The following DST variants were observed in gnomAD, a reference collection of about 807,000 sequenced individuals.
DST encodes the protein bullous pemphigoid antigen.
DST carries 253 observed loss-of-function variants against 875.2 expected under a neutral mutation model. The ratio of observed to expected loss-of-function variants is 0.29; its 90% CI spans 0.26 to 0.32. The LOEUF (loss-of-function observed/expected upper bound fraction) is 0.32, where lower values mean the gene tolerates loss of function less well. DST is among the 10% of genes least tolerant of loss of function. The pLI is 1.00. For missense variants in DST, 8,287 were observed against 9,111.6 expected (o/e 0.91, Z 3.68); for synonymous variants, 3,124 against 3,197.1 (o/e 0.98, Z 0.77).
chr6:56,553,284 T>G lies in DST; in HGVS notation c.15508A>C (p.Lys5170Gln). ...KLKESLEKAL[K>Q]YKEQVETLWP... ...AGAGTCTCTACTTGCTCTTTATACT[T>G]AAGGGCTTTTTCCAATGACTCTTTT... The change falls in exon 61 of 104, where the codon AAG (lysine) becomes CAG (glutamine). Residue 5170 changes from lysine to glutamine, a missense_variant. This residue lies in a region of DST where 1,513 missense variants were observed against 1,677.8 expected (regional missense o/e 0.90). Coordinates refer to ENST00000680361, the MANE Select transcript of DST (RefSeq NM_001374736.1). The G allele has an allele frequency of 6.2e-7, 1 of 1,613,692 alleles. No homozygotes were observed. Among genetic ancestry groups the G allele is most frequent in the Non-Finnish European group, 8.5e-7 (1 of 1,179,896 alleles).
intron 15 of DST, among the ~76,000 whole-genome samples, chr6:56,643,474 C>G (rs929540830): frequency 6.6e-6 from 1 of 152,168 alleles, no homozygotes; most frequent in Non-Finnish European, 1.5e-5. Flanking sequence ...AAGTAGAATA[C>G]TGATGCAATG....
At chr6:56,851,313 C>T in intron 4 of DST, 84 bp downstream of exon 4, 1 of 1,296,078 alleles carries the variant, frequency 7.7e-7, no homozygotes, top group Non-Finnish European at 1.1e-6. Flanking sequence ...TGCATCAGCT[C>T]CCGCTATGGC....
At position 56,555,545 on chromosome 6, in the gene DST, T is replaced by C. The variant is rs763236400; in HGVS notation, c.14936A>G (p.His4979Arg). ...KLSSSLAVST[H>R]PDAMNQQLET... The stretch of plus-strand genomic sequence containing the variant: ...CAACTGTTGGTTCATAGCATCAGGG[T>C]GCGTGCTCACAGCCAGACTGCTGCT... Residue 4979 changes from histidine (H) to arginine (R), a missense_variant, in exon 60 of 104, where the codon CAC becomes CGC. Transcript: ENST00000680361. The C allele has an allele frequency of 2.5e-6, 4 of 1,613,972 alleles. No individual in the cohort carries two copies. The Admixed American group carries it at 6.7e-5, about 27-fold the overall frequency.
At chr6:56,672,853 T>C (rs2099108830) in intron 9 of DST, among the ~76,000 whole-genome samples, 1 of 152,248 alleles carries the variant, frequency 6.6e-6, no homozygotes, top group East Asian at 1.9e-4. Context: ...CTTAACTCTC[T>C]TCCCCATAGA....
At chr6:56,750,497 G>A (rs2152951395) in intron 4 of DST, among the ~76,000 whole-genome samples, 1 of 152,232 alleles carries the variant, frequency 6.6e-6, no homozygotes, top group South Asian at 2.1e-4. Flanking sequence ...TGCCTACTAT[G>A]AGAAGAGTGG....
intron 61 of DST, among the ~76,000 whole-genome samples, chr6:56,539,148 A>T (rs376369568): frequency 6.6e-6 from 1 of 152,292 alleles, no homozygotes; most frequent in Admixed American, 6.5e-5. Flanking sequence ...ATAATGTTCT[A>T]TTAAATTGCC....
At chr6:56,517,919 G>A (rs2096626621) in intron 69 of DST, among the ~76,000 whole-genome samples, 1 of 152,030 alleles carries the variant, frequency 6.6e-6, no homozygotes, top group African/African-American at 2.4e-5. Context: ...CACCTTAGGA[G>A]TACTGTCCAA....
At chr6:56,723,970 T>C (rs1178319625) in intron 5 of DST, among the ~76,000 whole-genome samples, 1 of 152,198 alleles carries the variant, frequency 6.6e-6, no homozygotes, top group South Asian at 2.1e-4. Context: ...AAAACTGCTG[T>C]TTCCCTTCCA....
At chr6:56,847,372 G>A (rs1440558721) in intron 4 of DST, among the ~76,000 whole-genome samples, 5 of 152,186 alleles carry the variant, frequency 3.3e-5, no homozygotes, top group Non-Finnish European at 7.3e-5. Context: ...TAAGACATGT[G>A]ACGCCTTCAC....
chr6:56,572,632 A>G, intron 52 of DST, 115 bp downstream of exon 52: 1 of 760,658 alleles, frequency 1.3e-6, no homozygotes, highest in Non-Finnish European at 2.0e-6. Flanking sequence ...ATAGATCTTT[A>G]CTAATCTATA....
chr6:56,746,843 C>A (rs1242105214), intron 4 of DST, among the ~76,000 whole-genome samples: 1 of 152,110 alleles, frequency 6.6e-6, no homozygotes, highest in African/African-American at 2.4e-5. Flanking sequence ...GAAAAAAATA[C>A]TGAGACACAT....
chr6:56,559,120 T>C (rs1411439139), intron 58 of DST, among the ~76,000 whole-genome samples: 1 of 152,124 alleles, frequency 6.6e-6, no homozygotes, highest in Non-Finnish European at 1.5e-5. Context: ...ACTGAAACCT[T>C]ACCTAATAAC....
chr6:56,894,964 G>A (rs1202114760), intron 3 of DST, among the ~76,000 whole-genome samples: 2 of 100,314 alleles, frequency 2.0e-5, no homozygotes, highest in Admixed American at 8.4e-5. Context: ...CGGACGGGGC[G>A]GCTGGCCAGG....
chr6:56,464,642 G>C, intron 100 of DST, 43 bp downstream of exon 100: 1 of 1,358,624 alleles, frequency 7.4e-7, no homozygotes, highest in Non-Finnish European at 1.0e-6. Context: ...AAGTAGGAAA[G>C]AGAAAAGGAA....
At chr6:56,875,834 G>A (rs1035949719) in intron 3 of DST, among the ~76,000 whole-genome samples, 2 of 151,700 alleles carry the variant, frequency 1.3e-5, no homozygotes, top group African/African-American at 4.9e-5. Context: ...CAAGCCCCAT[G>A]GGCAACTCTT....
At chr6:56,940,213 C>T (rs945550797) in intron 2 of DST, among the ~76,000 whole-genome samples, 9 of 151,380 alleles carry the variant, frequency 5.9e-5, no homozygotes, top group Admixed American at 5.9e-4. Context: ...CACACACACA[C>T]ACACACACAC....
intron 9 of DST, chr6:56,692,471 G>T (rs1244504505): frequency 7.8e-7 from 1 of 1,289,530 alleles, no homozygotes; most frequent in South Asian, 1.2e-5. Context: ...TGAAAATGCT[G>T]TGTTGCATGA....
intron 2 of DST, among the ~76,000 whole-genome samples, chr6:56,907,149 A>C (rs1431012004): frequency 6.6e-6 from 1 of 152,204 alleles, no homozygotes. Flanking sequence ...CATTAGTTCC[A>C]ATGGCTACAC....
rs768436606 is a variant in DST, at chr6:56,509,895, C to A, written c.18781-22G>T. Reference sequence around the variant, plus strand: ...GGAACTAGGGGCAAAACAAAGAGATCTTTTATGGAAAAAAGATCTGTAATA... The same window carrying A: ...GGAACTAGGGGCAAAACAAAGAGATATTTTATGGAAAAAAGATCTGTAATA... On this transcript the variant is annotated intron_variant, in intron 73 of 103. Coordinates refer to ENST00000680361, the MANE Select transcript of DST (RefSeq NM_001374736.1). 9.2e-6 allele frequency: 14 copies of A among 1,524,940 alleles called. No individual in the cohort carries two copies. In the East Asian group the frequency reaches 3.0e-4, roughly 32 times the overall value. The allele number at this position is 1,524,940 out of a possible 1,614,324, so 94.5% of individuals were successfully genotyped here. A position where few individuals can be genotyped will look rare whatever the true frequency, so the allele number is the denominator to read the frequency against.
Sources: gnomAD v4.1 joint callset for allele counts (sites outside exome capture counted in the v4.1 genomes callset) on GRCh38, gnomAD v4.1.1 for gene constraint, gnomAD v4.1.1 regional missense constraint, MANE v1.5 for transcripts, NCBI Gene and HGNC (gene_info 2026-07-23, HGNC 2026-07-21) for gene names.